GRID2: variants seen among roughly 807,000 people sequenced by gnomAD.
GRID2 encodes the protein glutamate receptor ionotropic, delta-2.
GRID2 carries 33 observed loss-of-function variants against 114.8 expected under a neutral mutation model. The observed-to-expected ratio is 0.29, with a 90% CI of 0.22 to 0.38. The LOEUF (loss-of-function observed/expected upper bound fraction) is 0.38. Among genes scored for constraint, GRID2 ranks in the 10% least tolerant of loss-of-function variants. The pLI is 1.00. For synonymous variants in GRID2, 505 were observed against 449.9 expected (o/e 1.12, Z -1.55); for missense variants, 1,184 against 1,257.7 (o/e 0.94, Z 0.89).
At chr4:93,592,688 G>A (rs548171950) in intron 13 of GRID2, among the ~76,000 whole-genome samples, 34 of 152,232 alleles carry the variant, frequency 2.2e-4, no homozygotes, top group African/African-American at 7.0e-4. Flanking sequence ...ATGTGTGGGA[G>A]TCTAAGTCTC....
chr4:93,317,986 A>AATATATATATATATATATATAT lies in GRID2; in HGVS notation c.1246-77606_1246-77585dup, dbSNP rs58755199. Reference sequence around the variant, plus strand: ...GTTTTATCTTTCCCTTTAAAAGTGAAATATATATATATATATATATATATA... The same window carrying AATATATATATATATATATATAT: ...GTTTTATCTTTCCCTTTAAAAGTGAAATATATATATATATATATATATATATATATATATATATATATATATA... On this transcript the variant is annotated intron_variant, in intron 8 of 15. Coordinates refer to ENST00000282020, the MANE Select transcript of GRID2 (RefSeq NM_001510.4). Among the ~76,000 whole-genome samples the AATATATATATATATATATATAT allele has an allele frequency of 7.1e-3, 717 of 100,756 alleles. 41 individuals carry two copies. Among genetic ancestry groups the AATATATATATATATATATATAT allele is most frequent in the Non-Finnish European group, 8.8e-3 (418 of 47,634 alleles). 66.1% of individuals were successfully genotyped at this position (100,756 alleles called of 152,430 possible). A position where few individuals can be genotyped will look rare whatever the true frequency, so the allele number is the denominator to read the frequency against.
intron 13 of GRID2, among the ~76,000 whole-genome samples, chr4:93,614,434 G>C (rs1741368075): frequency 6.6e-6 from 1 of 152,104 alleles, no homozygotes; most frequent in African/African-American, 2.4e-5. Flanking sequence ...CAGCTTTTTA[G>C]ATAGACAACC....
chr4:93,740,157 T>C (rs1731248010), intron 14 of GRID2, among the ~76,000 whole-genome samples: 1 of 152,184 alleles, frequency 6.6e-6, no homozygotes, highest in South Asian at 2.1e-4. Flanking sequence ...GCCTAGAGTA[T>C]TCAGGATAGT....
intron 1 of GRID2, among the ~76,000 whole-genome samples, chr4:92,309,775 G>A (rs929493717): frequency 6.6e-6 from 1 of 151,792 alleles, no homozygotes; most frequent in African/African-American, 2.4e-5. Flanking sequence ...ATTTAAAATA[G>A]GAGAGAAATA....
intron 7 of GRID2, among the ~76,000 whole-genome samples, chr4:93,229,681 A>G (rs571100417): frequency 1.3e-5 from 2 of 152,288 alleles, no homozygotes; most frequent in Non-Finnish European, 2.9e-5. Flanking sequence ...CACAAAGTAC[A>G]AGCAAGAAGA....
chr4:92,974,191 A>T (rs541142818), intron 2 of GRID2, among the ~76,000 whole-genome samples: 1 of 152,120 alleles, frequency 6.6e-6, no homozygotes, highest in Admixed American at 6.6e-5. Context: ...GAAACAACAG[A>T]TGCTGGAGAG....
chr4:92,854,680 A>C (rs1744056319), intron 2 of GRID2, among the ~76,000 whole-genome samples: 1 of 152,028 alleles, frequency 6.6e-6, no homozygotes, highest in Non-Finnish European at 1.5e-5. Context: ...AAAATTACAC[A>C]ATAGTAAAGT....
At chr4:92,870,906 C>T (rs1369831807) in intron 2 of GRID2, among the ~76,000 whole-genome samples, 1 of 152,072 alleles carries the variant, frequency 6.6e-6, no homozygotes, top group Non-Finnish European at 1.5e-5. Flanking sequence ...ATATGAATAA[C>T]TTGTGATAAC....
chr4:93,218,089 G>C (rs1165431976), intron 6 of GRID2, among the ~76,000 whole-genome samples: 2 of 151,746 alleles, frequency 1.3e-5, no homozygotes, highest in East Asian at 3.9e-4. Context: ...TTTAAAAAAG[G>C]ATTTGCCATT....
chr4:92,304,577 G>T lies in GRID2; in HGVS notation c.-80G>T. 1 of 885,656 alleles carries T rather than the reference G, an allele frequency of 1.1e-6. No individual in the cohort carries two copies. Among genetic ancestry groups the T allele is most frequent in the South Asian group, 1.4e-5 (1 of 72,694 alleles). 54.9% of individuals were successfully genotyped at this position (885,656 alleles called of 1,614,324 possible). The stretch of plus-strand genomic sequence containing the variant: ...AAAAAGCTGCGCTAAACTCCACCGT[G>T]ACCTCAAACTCTTTGGACTGTTTGA... On this transcript the variant is annotated 5_prime_UTR_variant, in exon 1 of 16. Coordinates refer to ENST00000282020, the MANE Select transcript of GRID2 (RefSeq NM_001510.4).
chr4:92,497,495 A>G (rs556793747), intron 1 of GRID2, among the ~76,000 whole-genome samples: 4 of 151,860 alleles, frequency 2.6e-5, no homozygotes, highest in Non-Finnish European at 5.9e-5. Context: ...AAATTTTAGT[A>G]TATTAGCCTA....
At chr4:92,437,585 A>G (rs1340059938) in intron 1 of GRID2, among the ~76,000 whole-genome samples, 2 of 152,236 alleles carry the variant, frequency 1.3e-5, no homozygotes, top group African/African-American at 4.8e-5. Flanking sequence ...TTAAAGGACT[A>G]TTATTAAATG....
At chr4:93,020,338 T>G (rs1482554323) in intron 2 of GRID2, among the ~76,000 whole-genome samples, 1 of 152,164 alleles carries the variant, frequency 6.6e-6, no homozygotes, top group Non-Finnish European at 1.5e-5. Flanking sequence ...TATTTTAATA[T>G]TTTTAGCTGT....
At chr4:92,720,307 A>G (rs577248463) in intron 2 of GRID2, among the ~76,000 whole-genome samples, 1 of 152,194 alleles carries the variant, frequency 6.6e-6, no homozygotes, top group African/African-American at 2.4e-5. Context: ...TCCTTAGTCT[A>G]AATTGATGAG....
chr4:92,395,419 T>A (rs1329277183), intron 1 of GRID2, among the ~76,000 whole-genome samples: 1 of 151,772 alleles, frequency 6.6e-6, no homozygotes, highest in Non-Finnish European at 1.5e-5. Flanking sequence ...ACATATTGAC[T>A]GTTGATCTTG....
chr4:92,547,361 T>C (rs1459993742), intron 1 of GRID2, among the ~76,000 whole-genome samples: 1 of 152,200 alleles, frequency 6.6e-6, no homozygotes, highest in Non-Finnish European at 1.5e-5. Context: ...GTTCAGGTAC[T>C]ATACTGAAAA....
intron 8 of GRID2, among the ~76,000 whole-genome samples, chr4:93,334,912 C>T (rs186904492): frequency 1.3e-5 from 2 of 151,358 alleles, no homozygotes; most frequent in Admixed American, 1.3e-4. Flanking sequence ...GCCTGGGCAA[C>T]AAGAGCAAAA....
At chr4:93,050,442 C>A (rs893891374) in intron 2 of GRID2, among the ~76,000 whole-genome samples, 1 of 151,448 alleles carries the variant, frequency 6.6e-6, no homozygotes, top group African/African-American at 2.4e-5. Context: ...TGAAAGAGAG[C>A]ACTGAGCAAA....
intron 14 of GRID2, among the ~76,000 whole-genome samples, chr4:93,655,108 C>G (rs1722893660): frequency 2.0e-5 from 3 of 152,144 alleles, no homozygotes; most frequent in Non-Finnish European, 4.4e-5. Flanking sequence ...TAGAAATCCA[C>G]TTGGGAATCA....
Sources: allele counts gnomAD v4.1 joint callset (sites outside exome capture counted in the v4.1 genomes callset), GRCh38; gene constraint gnomAD v4.1.1; transcripts MANE v1.5; gene names NCBI Gene and HGNC (gene_info 2026-07-23, HGNC 2026-07-21).